GNL2: variants seen among roughly 807,000 people sequenced by gnomAD.
GNL2 encodes G protein nucleolar 2.
Under a neutral mutation model 92.3 loss-of-function variants are expected in GNL2, and 51 were observed. That is an observed-to-expected ratio of 0.55 (90% CI 0.44 to 0.70). The LOEUF (loss-of-function observed/expected upper bound fraction) is 0.70, where lower values mean the gene tolerates loss of function less well. Among genes scored for constraint, GNL2 ranks in the 30% least tolerant of loss-of-function variants. GNL2 has a pLI of 0.00. For missense variants in GNL2, 844 were observed against 895.6 expected, an observed-to-expected ratio of 0.94 and a Z score of 0.74; for synonymous variants, 283 against 300.6, an observed-to-expected ratio of 0.94 and a Z score of 0.61.
At chr1:37,595,731 C>T (rs758708624) in intron 1 of GNL2, 28 bp downstream of exon 1, 14 of 1,604,826 alleles carry the variant, frequency 8.7e-6, no homozygotes, top group African/African-American at 5.4e-5. Context: ...CTCCAAGCTC[C>T]ACCCTCGATC....
chr1:37,576,586 C>CAT, intron 8 of GNL2, 30 bp from the exon 9 acceptor site: 2 of 1,607,936 alleles, frequency 1.2e-6, no homozygotes, highest in Non-Finnish European at 1.7e-6. Context: ...ACAGCACATA[C>CAT]ATGCAGTCAT....
At chr1:37,572,662 G>T (rs991440321) in intron 12 of GNL2, among the ~76,000 whole-genome samples, 1 of 152,132 alleles carries the variant, frequency 6.6e-6, no homozygotes, top group African/African-American at 2.4e-5. Flanking sequence ...TCTTCCACTG[G>T]CTGTGACTGA....
intron 10 of GNL2, 30 bp from the exon 11 acceptor site, chr1:37,574,853 C>G (rs756157623): frequency 5.8e-6 from 9 of 1,558,842 alleles, no homozygotes; most frequent in African/African-American, 2.7e-5. Flanking sequence ...CTCTCACTTA[C>G]AAACTTTGTT....
chr1:37,590,091 A>G (rs1472761243), intron 4 of GNL2, among the ~76,000 whole-genome samples: 2 of 152,172 alleles, frequency 1.3e-5, no homozygotes, highest in African/African-American at 4.8e-5. Context: ...CAATAACCCA[A>G]GGAGGTCGGT....
chr1:37,588,321 C>T lies in GNL2; in HGVS notation c.385-826G>A, dbSNP rs554244304. On this transcript the variant is annotated intron_variant, in intron 4 of 15. Transcript: ENST00000373062. ...CTTTTCCCCCTAGTACAAGCTCCTC[C>T]GTAAGCACCACTACCAAAAGCTGTG... Among the ~76,000 whole-genome samples the T allele has an allele frequency of 1.6e-3, 236 of 152,074 alleles. 1 individual carries two copies. Among genetic ancestry groups the T allele is most frequent in the African/African-American group, 5.3e-3 (219 of 41,470 alleles).
chr1:37,573,319 C>T (rs1358336471), intron 12 of GNL2, among the ~76,000 whole-genome samples: 1 of 152,238 alleles, frequency 6.6e-6, no homozygotes, highest in Non-Finnish European at 1.5e-5. Context: ...TGTATGGACC[C>T]AACGACACTA....
chr1:37,574,892 T>C, intron 10 of GNL2, 69 bp from the exon 11 acceptor site: 1 of 1,105,124 alleles, frequency 9.0e-7, no homozygotes, highest in Non-Finnish European at 1.3e-6. Context: ...CCAGTGTCCT[T>C]TGCAGCACTA....
At chr1:37,595,679 TC>T in intron 1 of GNL2, 79 bp downstream of exon 1, 3 of 1,206,358 alleles carry the variant, frequency 2.5e-6, no homozygotes. Context: ...CGAGTAACCC[TC>T]CTTCCCCTCC....
At chr1:37,587,617 A>C in intron 4 of GNL2, 122 bp from the exon 5 acceptor site, 1 of 566,774 alleles carries the variant, frequency 1.8e-6, no homozygotes, top group Admixed American at 3.5e-5. Flanking sequence ...CCATACCCAA[A>C]TCTGTAAGAC....
intron 1 of GNL2, 97 bp downstream of exon 1, chr1:37,595,662 T>C (rs1643918288): frequency 2.0e-6 from 2 of 1,004,766 alleles, no homozygotes; most frequent in African/African-American, 1.6e-5. Flanking sequence ...TTCTAAGCAA[T>C]GCCACTCGAG....
intron 6 of GNL2, 133 bp from the exon 7 acceptor site, chr1:37,583,069 T>C (rs1328898516): frequency 5.4e-6 from 3 of 560,742 alleles, no homozygotes; most frequent in South Asian, 3.1e-5. Context: ...CAGAGTTCGT[T>C]GTGGCTAATC....
intron 12 of GNL2, among the ~76,000 whole-genome samples, chr1:37,571,670 T>A (rs897174555): frequency 6.6e-6 from 1 of 152,324 alleles, no homozygotes; most frequent in Non-Finnish European, 1.5e-5. Flanking sequence ...ACGGTTAAAC[T>A]TCTTTCTCTG....
intron 8 of GNL2, 138 bp from the exon 9 acceptor site, chr1:37,576,694 C>A (rs1162136334): frequency 5.5e-6 from 4 of 724,198 alleles, no homozygotes; most frequent in Non-Finnish European, 4.5e-6. Flanking sequence ...TAGATACACA[C>A]CACCTACATA....
Position 37,595,932 on chromosome 1 carries a change from G to T in GNL2, c.-110C>A. The T allele has an allele frequency of 3.5e-6, 3 of 857,024 alleles. No individual in the cohort carries two copies. The highest frequency in any genetic ancestry group is 2.8e-5 in the South Asian group (2 of 71,504). 53.1% of individuals were successfully genotyped at this position (857,024 alleles called of 1,614,324 possible). A position where few individuals can be genotyped will look rare whatever the true frequency, so the allele number is the denominator to read the frequency against. On this transcript the variant is annotated 5_prime_UTR_variant, in exon 1 of 16. Transcript: ENST00000373062. ...ACCCGCCTGAACCACGCCGGACCAC[G>T]TGTGCACGACGTACGTCACTTCCGC...
rs534777955 is a variant in GNL2, at chr1:37,575,010, T to C, written c.1144-187A>G. On this transcript the variant is annotated intron_variant, in intron 10 of 15. Coordinates refer to ENST00000373062, the MANE Select transcript of GNL2 (RefSeq NM_013285.3). This position sits in a 1 kb window ranked among gnomAD's most constrained non-coding sequence, Gnocchi z 4.1. ...AAGGAGCACTGCTGAAAGCTGACCA[T>C]AGCCACGGAGCCCAGAACTCAGCTT... is the stretch of plus-strand genomic sequence containing the variant. Among the ~76,000 whole-genome samples the C allele has an allele frequency of 3.9e-5, 6 of 152,294 alleles. No homozygotes were observed. The South Asian group carries it at 8.3e-4, about 21-fold the overall frequency.
In GNL2 at chr1:37,574,753, T is replaced by A. The variant is rs369322996; in HGVS notation, c.1214A>T (p.Tyr405Phe). 6 of 1,613,636 alleles carry A rather than the reference T, an allele frequency of 3.7e-6. No individual in the cohort carries two copies. In the East Asian group the frequency reaches 1.1e-4, roughly 30 times the overall value. The change falls in exon 11 of 16, where the codon TAT (tyrosine) becomes TTT (phenylalanine). Residue 405 changes from tyrosine to phenylalanine, a missense_variant. Physicochemically the swap from Tyr to Phe is conservative, Grantham distance 22 (BLOSUM62 3). Coordinates refer to ENST00000373062, the MANE Select transcript of GNL2 (RefSeq NM_013285.3). ...GAVLERAKPE[Y>F]ISKTYKIDSW... Reference sequence around the variant, plus strand: ...ATCAATCTTGTATGTTTTGCTGATATATTCTGGCTTTGCTCGTTCAAGTAC... The same window carrying A: ...ATCAATCTTGTATGTTTTGCTGATAAATTCTGGCTTTGCTCGTTCAAGTAC...
intron 8 of GNL2, 102 bp downstream of exon 8, chr1:37,582,121 C>T (rs981054944): frequency 2.3e-5 from 16 of 701,598 alleles, no homozygotes; most frequent in East Asian, 1.4e-4. Context: ...CAACCACGTC[C>T]GGCTAAGAAG....
chr1:37,568,066 T>G (rs1194143661), intron 14 of GNL2: 1 of 592,524 alleles, frequency 1.7e-6, no homozygotes, highest in Non-Finnish European at 3.0e-6. Context: ...TTCTAGGAAG[T>G]TTCCTGAATT....
intron 7 of GNL2, 65 bp from the exon 8 acceptor site, chr1:37,582,401 T>A: frequency 1.1e-6 from 1 of 933,700 alleles, no homozygotes. Flanking sequence ...TGTGGAAGAA[T>A]CAGAGCTTGA....
Sources: allele counts gnomAD v4.1 joint callset (sites outside exome capture counted in the v4.1 genomes callset), GRCh38; gene constraint gnomAD v4.1.1; non-coding constraint Gnocchi (gnomAD v3.1); transcripts MANE v1.5; gene names NCBI Gene and HGNC (gene_info 2026-07-23, HGNC 2026-07-21).